Variants in DACH2 observed in about 807,000 individuals in gnomAD.
DACH2 encodes the protein dachshund family transcription factor 2, also known as dachshund homolog 2.
DACH2 carries 17 observed loss-of-function variants against 35.8 expected under a neutral mutation model. The observed-to-expected ratio is 0.48, with a 90% CI of 0.33 to 0.71. DACH2 has a LOEUF of 0.71. DACH2 is among the 30% of genes least tolerant of loss of function. The pLI is 0.02. For missense variants in DACH2, 469 were observed against 472.7 expected, an observed-to-expected ratio of 0.99 and a Z score of 0.07; for synonymous variants, 195 against 177.3, an observed-to-expected ratio of 1.10 and a Z score of -0.79.
At chrX:86,670,635 TGA>T (rs2040754039) in intron 4 of DACH2, among the ~76,000 whole-genome samples, 1 of 111,537 alleles carries the variant, frequency 9.0e-6, no homozygotes, top group Non-Finnish European at 1.9e-5. Flanking sequence ...TCTTTTTGGC[TGA>T]TGAACAACAA....
At chrX:86,296,785 A>T (rs73516077) in intron 1 of DACH2, among the ~76,000 whole-genome samples, 92 of 110,890 alleles carry the variant, frequency 8.3e-4, no homozygotes, top group Middle Eastern at 9.5e-3. Context: ...TACTAGGCTT[A>T]TTCATTTTAT....
chrX:86,331,394 G>A (rs913827714), intron 1 of DACH2, among the ~76,000 whole-genome samples: 8 of 110,630 alleles, frequency 7.2e-5, no homozygotes, highest in Non-Finnish European at 1.3e-4. Flanking sequence ...GCTCATTTCT[G>A]AAATTTTGCT....
intron 3 of DACH2, among the ~76,000 whole-genome samples, chrX:86,539,112 G>A (rs1336668696): frequency 9.0e-6 from 1 of 110,859 alleles, no homozygotes; most frequent in East Asian, 2.9e-4. Context: ...ACGTTTTCAG[G>A]GAGGGACCCG....
rs189936425 is a variant in DACH2, at chrX:86,471,528, C to G, written c.528-42751C>G. 1.8e-4 allele frequency among the ~76,000 whole-genome samples: 20 copies of G among 111,227 alleles called. No individual in the cohort carries two copies. The East Asian group carries it at 5.6e-3, about 31-fold the overall frequency. ...AGCATAAGATATGAAGACCTGTTTA[C>G]TAATAATTCAGTAAGACAGCATTTA... On this transcript the variant is annotated intron_variant, in intron 2 of 11. Transcript: ENST00000373125.
intron 1 of DACH2, among the ~76,000 whole-genome samples, chrX:86,260,778 T>C (rs1202437041): frequency 9.7e-6 from 1 of 102,904 alleles, no homozygotes; most frequent in East Asian, 3.1e-4. Flanking sequence ...CATGGCTTGC[T>C]CTGGAGACAA....
chrX:86,333,779 T>A (rs1434197828), intron 1 of DACH2, among the ~76,000 whole-genome samples: 1 of 111,647 alleles, frequency 9.0e-6, no homozygotes, highest in Non-Finnish European at 1.9e-5. Flanking sequence ...TAATATACTT[T>A]AAGTTCTGGG....
intron 2 of DACH2, among the ~76,000 whole-genome samples, chrX:86,395,723 C>T (rs1166823774): frequency 6.3e-5 from 7 of 111,682 alleles, no homozygotes; most frequent in African/African-American, 2.0e-4. Context: ...GAACTTATCA[C>T]TTTTTATGGC....
intron 2 of DACH2, among the ~76,000 whole-genome samples, chrX:86,397,826 A>T: frequency 8.9e-6 from 1 of 112,036 alleles, no homozygotes; most frequent in African/African-American, 3.2e-5. Context: ...ATCAATGTTC[A>T]TCAAGGATAT....
intron 1 of DACH2, among the ~76,000 whole-genome samples, chrX:86,221,063 A>G (rs1354322099): frequency 9.0e-6 from 1 of 110,553 alleles, no homozygotes; most frequent in Non-Finnish European, 1.9e-5. Flanking sequence ...TTTTAGTTTG[A>G]TGTAGTTCTG....
At chrX:86,808,455 T>C (rs1396394005) in intron 7 of DACH2, among the ~76,000 whole-genome samples, 1 of 111,335 alleles carries the variant, frequency 9.0e-6, no homozygotes, top group Admixed American at 9.6e-5. Context: ...ATACAACAAT[T>C]TGGGGATCAA....
chrX:86,247,466 A>G (rs2033308956), intron 1 of DACH2, among the ~76,000 whole-genome samples: 1 of 111,918 alleles, frequency 8.9e-6, no homozygotes, highest in Admixed American at 9.5e-5. Flanking sequence ...AGAAATTCAA[A>G]AAACACCCAG....
intron 1 of DACH2, among the ~76,000 whole-genome samples, chrX:86,195,117 C>A (rs1200652646): frequency 1.8e-5 from 2 of 112,982 alleles, no homozygotes; most frequent in Non-Finnish European, 3.7e-5. Flanking sequence ...CATCTTTTTG[C>A]CAGCATGTGC....
intron 3 of DACH2, among the ~76,000 whole-genome samples, chrX:86,642,062 G>C (rs1255118105): frequency 9.0e-6 from 1 of 111,534 alleles, no homozygotes; most frequent in East Asian, 2.8e-4. Context: ...AGCCAACATA[G>C]TTACCAGCTA....
At chrX:86,157,771 TATTA>T (rs1011584043) in intron 1 of DACH2, among the ~76,000 whole-genome samples, 2 of 111,910 alleles carry the variant, frequency 1.8e-5, no homozygotes, top group African/African-American at 6.5e-5. Flanking sequence ...TCACAAACAA[TATTA>T]ATTATGTATT....
intron 2 of DACH2, among the ~76,000 whole-genome samples, chrX:86,435,188 A>G (rs1347457963): frequency 3.6e-5 from 4 of 111,662 alleles, no homozygotes; most frequent in Non-Finnish European, 7.5e-5. Context: ...GGGCTAGACA[A>G]AAGGAGTGCC....
At chrX:86,474,000 G>A (rs1164902996) in intron 2 of DACH2, among the ~76,000 whole-genome samples, 4 of 111,720 alleles carry the variant, frequency 3.6e-5, no homozygotes, top group East Asian at 2.8e-4. Context: ...TGAGGGTTTC[G>A]TTTTCTTCAC....
At chrX:86,407,014 T>C (rs962887636) in intron 2 of DACH2, among the ~76,000 whole-genome samples, 22 of 112,223 alleles carry the variant, frequency 2.0e-4, no homozygotes, top group East Asian at 2.8e-4. Flanking sequence ...TTTCATTTTA[T>C]TTTTTGCTTT....
chrX:86,410,563 A>T (rs1423587227), intron 2 of DACH2, among the ~76,000 whole-genome samples: 2 of 111,552 alleles, frequency 1.8e-5, no homozygotes, highest in Non-Finnish European at 3.8e-5. Context: ...CTTCCCAAAA[A>T]CATGGGAAAG....
intron 1 of DACH2, among the ~76,000 whole-genome samples, chrX:86,336,616 G>A (rs1296533983): frequency 9.0e-6 from 1 of 111,686 alleles, no homozygotes; most frequent in African/African-American, 3.3e-5. Context: ...TGAAGATGGG[G>A]AGAAACAAGT....
Sources: gnomAD v4.1 joint callset for allele counts (sites outside exome capture counted in the v4.1 genomes callset) on GRCh38, gnomAD v4.1.1 for gene constraint, MANE v1.5 for transcripts, NCBI Gene and HGNC (gene_info 2026-07-23, HGNC 2026-07-21) for gene names.